Variants in CFDP1 observed in about 807,000 individuals in gnomAD.
CFDP1 encodes heterochromatin-stabilizing protein CFDP1.
Under a neutral mutation model 40.1 loss-of-function variants are expected in CFDP1, and 31 were observed. The observed-to-expected ratio is 0.77, with a 90% confidence interval of 0.58 to 1.04. CFDP1 has a LOEUF of 1.04. Among genes scored for constraint, CFDP1 ranks in the 50% least tolerant of loss-of-function variants. CFDP1 has a pLI of 0.00. For missense variants in CFDP1, 423 were observed against 343.4 expected (o/e 1.23, Z -1.83); for synonymous variants, 167 against 120.0 (o/e 1.39, Z -2.56).
At chr16:75,393,331 T>C (rs2078968008) in intron 5 of CFDP1, among the ~76,000 whole-genome samples, 3 of 152,192 alleles carry the variant, frequency 2.0e-5, no homozygotes, top group East Asian at 3.8e-4. Flanking sequence ...ATAAATGACA[T>C]GCACTTAAAC....
At chr16:75,296,900 G>A (rs1441363204) in intron 6 of CFDP1, among the ~76,000 whole-genome samples, 1 of 152,170 alleles carries the variant, frequency 6.6e-6, no homozygotes, top group Non-Finnish European at 1.5e-5. Context: ...ACTTGATATG[G>A]ACTCTCCCAC....
intron 5 of CFDP1, among the ~76,000 whole-genome samples, chr16:75,361,798 T>A (rs2078681231): frequency 6.6e-6 from 1 of 152,172 alleles, no homozygotes; most frequent in African/African-American, 2.4e-5. Context: ...GTTCTCTCCT[T>A]GTCTGGTTTC....
At chr16:75,425,340 T>C (rs983166357) in intron 1 of CFDP1, among the ~76,000 whole-genome samples, 1 of 133,506 alleles carries the variant, frequency 7.5e-6, no homozygotes, top group Non-Finnish European at 1.5e-5. Context: ...TGAGCAGAGA[T>C]CGCGCCACTG....
chr16:75,401,225 A>G (rs1000087704), intron 4 of CFDP1, among the ~76,000 whole-genome samples: 1 of 152,038 alleles, frequency 6.6e-6, no homozygotes, highest in Non-Finnish European at 1.5e-5. Context: ...TCAGGAAATC[A>G]AGACCATGCT....
chr16:75,399,297 C>G (rs747164773), intron 4 of CFDP1, among the ~76,000 whole-genome samples: 5 of 152,134 alleles, frequency 3.3e-5, no homozygotes, highest in Non-Finnish European at 7.3e-5. Flanking sequence ...AGGCTTAATG[C>G]AGGGTTCTGG....
At chr16:75,303,396 A>ATGT (rs1555552208) in intron 6 of CFDP1, among the ~76,000 whole-genome samples, 33 of 60,104 alleles carry the variant, frequency 5.5e-4, no homozygotes, top group Admixed American at 1.1e-3. Flanking sequence ...TAAATAAATA[A>ATGT]ATAAATGTAT....
intron 5 of CFDP1, among the ~76,000 whole-genome samples, chr16:75,328,430 CA>C (rs147289771): frequency 1.0e-4 from 14 of 135,632 alleles, no homozygotes; most frequent in Non-Finnish European, 1.4e-4. Flanking sequence ...TCGAAAAATA[CA>C]AAAAAAAAAG....
intron 1 of CFDP1, 47 bp downstream of exon 1, chr16:75,433,235 ACGTGAGG>A: frequency 3.9e-6 from 6 of 1,525,186 alleles, no homozygotes; most frequent in Non-Finnish European, 4.4e-6. Flanking sequence ...AGCGCGCCTC[ACGTGAGG>A]CGTGGGGCGG....
chr16:75,409,824 T>C (rs547413512), intron 4 of CFDP1, among the ~76,000 whole-genome samples: 59 of 152,182 alleles, frequency 3.9e-4, no homozygotes, highest in Non-Finnish European at 6.8e-4. Context: ...TAGGTGTTTG[T>C]TGTAATACTA....
chr16:75,430,184 TTTTC>T (rs201244039), intron 1 of CFDP1, among the ~76,000 whole-genome samples: 229 of 150,606 alleles, frequency 1.5e-3, no homozygotes, highest in East Asian at 4.1e-3. Context: ...TTTGTTTGTT[TTTTC>T]GAGATGGAGT....
At position 75,433,441 on chromosome 16, in the gene CFDP1, G is replaced by T. The variant is rs887141875; in HGVS notation, c.-89C>A. On this transcript the variant is annotated 5_prime_UTR_variant, in exon 1 of 7. Transcript: ENST00000283882. Reference sequence around the variant, plus strand: ...TCTAGGGAGAGACCATAGAGCCCCGGCGGCGGCGACGGCAGCTAGGGCGGC... The same window carrying T: ...TCTAGGGAGAGACCATAGAGCCCCGTCGGCGGCGACGGCAGCTAGGGCGGC... 7.3e-7 allele frequency: 1 copy of T among 1,367,006 alleles called. No individual in the cohort carries two copies. Among genetic ancestry groups the T allele is most frequent in the Non-Finnish European group, 1.0e-6 (1 of 993,148 alleles). 84.7% of individuals were successfully genotyped at this position (1,367,006 alleles called of 1,614,324 possible).
intron 5 of CFDP1, among the ~76,000 whole-genome samples, chr16:75,342,453 C>A (rs1006359642): frequency 2.0e-5 from 3 of 152,170 alleles, no homozygotes; most frequent in Non-Finnish European, 4.4e-5. Flanking sequence ...TCTTTACCAG[C>A]TGACTCATTA....
chr16:75,329,182 C>T (rs1053258947), intron 5 of CFDP1, among the ~76,000 whole-genome samples: 1 of 152,086 alleles, frequency 6.6e-6, no homozygotes, highest in Non-Finnish European at 1.5e-5. Context: ...GACAGGGTTT[C>T]CCCATGTTGG....
chr16:75,413,461 G>A (rs953439481), intron 2 of CFDP1, among the ~76,000 whole-genome samples: 5 of 151,512 alleles, frequency 3.3e-5, no homozygotes, highest in Non-Finnish European at 7.4e-5. Context: ...CGGAGGCTGA[G>A]GCAGGGAACT....
chr16:75,405,563 C>T (rs897235910), intron 4 of CFDP1, among the ~76,000 whole-genome samples: 5 of 151,912 alleles, frequency 3.3e-5, no homozygotes, highest in East Asian at 1.9e-4. Context: ...GCCTGACCAA[C>T]AAGGTGAAAC....
intron 4 of CFDP1, among the ~76,000 whole-genome samples, chr16:75,405,526 T>C (rs1225016530): frequency 2.0e-5 from 3 of 151,488 alleles, no homozygotes; most frequent in African/African-American, 7.3e-5. Context: ...GGCGGGCAGA[T>C]CATATGAGGT....
At chr16:75,352,109 G>A (rs1422705193) in intron 5 of CFDP1, among the ~76,000 whole-genome samples, 1 of 151,758 alleles carries the variant, frequency 6.6e-6, no homozygotes, top group Non-Finnish European at 1.5e-5. Context: ...GGGAGGCTGA[G>A]GTGGGTGGAT....
intron 1 of CFDP1, among the ~76,000 whole-genome samples, chr16:75,430,821 G>A (rs567977901): frequency 9.9e-5 from 15 of 152,266 alleles, no homozygotes; most frequent in Admixed American, 7.2e-4. Context: ...GAGAGAATAG[G>A]TTGCAAAATG....
chr16:75,302,724 A>C (rs890135020), intron 6 of CFDP1, among the ~76,000 whole-genome samples: 1 of 152,206 alleles, frequency 6.6e-6, no homozygotes, highest in Admixed American at 6.5e-5. Context: ...CTGGAGCTGA[A>C]TCTGAATGGA....
Sources: allele counts gnomAD v4.1 joint callset (sites outside exome capture counted in the v4.1 genomes callset), GRCh38; gene constraint gnomAD v4.1.1; transcripts MANE v1.5; gene names NCBI Gene and HGNC (gene_info 2026-07-23, HGNC 2026-07-21).